Variants in PDE4A observed in about 807,000 individuals in gnomAD.
The protein encoded by PDE4A is phosphodiesterase 4A.
In PDE4A, 21 loss-of-function variants were observed where a neutral mutation model predicts 73.9. That is an observed-to-expected ratio of 0.28 (90% CI 0.20 to 0.41). The LOEUF (loss-of-function observed/expected upper bound fraction) is 0.41, where lower values mean the gene tolerates loss of function less well. Among genes scored for constraint, PDE4A ranks in the 10% least tolerant of loss-of-function variants. The pLI is 1.00. For synonymous variants in PDE4A, 463 were observed against 505.4 expected (o/e 0.92, Z 1.13); for missense variants, 958 against 1,211.4 (o/e 0.79, Z 3.10).
chr19:10,449,535 T>C (rs1239103669), intron 4 of PDE4A, among the ~76,000 whole-genome samples: 1 of 151,970 alleles, frequency 6.6e-6, no homozygotes, highest in African/African-American at 2.4e-5. Context: ...AATTTTTGTA[T>C]TTTTAGTAGA....
intron 14 of PDE4A, among the ~76,000 whole-genome samples, chr19:10,465,613 A>C (rs1306912901): frequency 6.6e-6 from 1 of 150,986 alleles, no homozygotes; most frequent in African/African-American, 2.4e-5. Flanking sequence ...CCCATGGAAA[A>C]CTAATTTTAT....
At position 10,458,699 on chromosome 19, in the gene PDE4A, A is replaced by G. The variant is rs1325947100; in HGVS notation, c.1101+597A>G. Among the ~76,000 whole-genome samples, 1 of 148,256 alleles carries G rather than the reference A, an allele frequency of 6.7e-6. No individual in the cohort carries two copies. ...AGTAGTGTGATCTCGGCTCAAGGCA[A>G]CCTCCACCTCCTGGGTTCAAGCAAT... On this transcript the variant is annotated intron_variant, in intron 8 of 14. Coordinates refer to ENST00000380702, the MANE Select transcript of PDE4A (RefSeq NM_001111307.2). This position sits in a 1 kb window ranked among gnomAD's most constrained non-coding sequence, Gnocchi z 4.6.
At chr19:10,443,086 G>C (rs1214809324) in intron 1 of PDE4A, among the ~76,000 whole-genome samples, 3 of 151,996 alleles carry the variant, frequency 2.0e-5, no homozygotes, top group Non-Finnish European at 4.4e-5. Flanking sequence ...GGCTTAGGTG[G>C]GGGGATCGCT....
chr19:10,417,102 TGAG>T (rs1324329437), upstream of PDE4A: 12 of 1,459,958 alleles, frequency 8.2e-6, no homozygotes, highest in Non-Finnish European at 9.0e-6. Context: ...CTCCAAGCTG[TGAG>T]GAGTTTGGTC....
In PDE4A at chr19:10,459,435, C is replaced by A. The variant is rs201749649; in HGVS notation, c.1137C>A (p.Ile379=). 5.0e-6 allele frequency: 8 copies of A among 1,614,134 alleles called. No individual in the cohort carries two copies. Among genetic ancestry groups the A allele is most frequent in the South Asian group, 1.1e-5 (1 of 91,094 alleles). ...LENLNKWGLN[I]FCVSDYAGGR... ...ACCTGAACAAGTGGGGCCTGAACAT[C>A]TTTTGCGTGTCGGATTACGCTGGAG... Residue 379 remains isoleucine (I), a synonymous_variant, in exon 9 of 15, where the codon ATC becomes ATA. Transcript: ENST00000380702.
intron 1 of PDE4A, among the ~76,000 whole-genome samples, chr19:10,441,870 A>G (rs2042943820): frequency 6.6e-6 from 1 of 150,760 alleles, no homozygotes; most frequent in African/African-American, 2.4e-5. Context: ...TTGAATTTTT[A>G]GTAGAGACGG....
In PDE4A at chr19:10,444,522, G is replaced by A. The variant is rs1019541093; in HGVS notation, c.321-1696G>A. Among the ~76,000 whole-genome samples the A allele has an allele frequency of 3.3e-5, 5 of 151,948 alleles. No individual in the cohort carries two copies. The South Asian group carries it at 8.3e-4, about 25-fold the overall frequency. ...TCAAAAAAAAAAAAAAAGTATTATG[G>A]TTGAAATTTTAGCTGGGTTGGTCAG... On this transcript the variant is annotated intron_variant, in intron 1 of 14. Transcript: ENST00000380702.
intron 13 of PDE4A, chr19:10,463,589 G>T (rs996330989): frequency 8.1e-5 from 33 of 406,260 alleles, no homozygotes; most frequent in Non-Finnish European, 1.1e-4. Flanking sequence ...TTTTAGTAGA[G>T]ACAGGGTTTC....
At chr19:10,464,078 A>T (rs1000328663) in intron 14 of PDE4A, 103 bp downstream of exon 14, 14 of 1,430,240 alleles carry the variant, frequency 9.8e-6, no homozygotes, top group African/African-American at 1.4e-5. Context: ...CCTTTCCACA[A>T]TGCCAAGTTG....
At chr19:10,417,010 G>T (rs544335942), upstream of PDE4A, 53 of 1,536,496 alleles carry the variant, frequency 3.4e-5, no homozygotes, top group African/African-American at 6.4e-4. Flanking sequence ...GAGGGGCTTG[G>T]GCTAGGGGCG....
upstream of PDE4A, chr19:10,417,940 G>A: frequency 6.8e-7 from 1 of 1,466,724 alleles, no homozygotes; most frequent in South Asian, 1.3e-5. Context: ...CCAGCCACCA[G>A]CCCTTCCCGA....
At position 10,468,678 on chromosome 19, in the gene PDE4A, G is replaced by GC. The variant is rs1187609260; in HGVS notation, c.*1063dup. 2.7e-5 allele frequency: 4 copies of GC among 150,734 alleles called. No homozygotes were observed. Among genetic ancestry groups the GC allele is most frequent in the East Asian group, 1.9e-4 (1 of 5,170 alleles). The allele number at this position is 150,734 out of a possible 1,614,324, so 9.3% of individuals were successfully genotyped here. A position where few individuals can be genotyped will look rare whatever the true frequency, so the allele number is the denominator to read the frequency against. On this transcript the variant is annotated 3_prime_UTR_variant, in exon 15 of 15. Transcript: ENST00000380702. ...CCCCACCTTCCACACTCTGATCACAGCCCCCCTACCTTTTGCCCTAGGAGG... is the reference window on the plus strand; with the variant it reads ...CCCCACCTTCCACACTCTGATCACAGCCCCCCCTACCTTTTGCCCTAGGAGG...
chr19:10,439,030 T>A (rs1004828544), intron 1 of PDE4A, among the ~76,000 whole-genome samples: 2 of 152,222 alleles, frequency 1.3e-5, no homozygotes, highest in African/African-American at 4.8e-5. Flanking sequence ...CTTCTACCTT[T>A]TGGCCATCGT....
At chr19:10,455,446 A>T (rs2043155245) in intron 7 of PDE4A, among the ~76,000 whole-genome samples, 1 of 149,206 alleles carries the variant, frequency 6.7e-6, no homozygotes, top group South Asian at 2.1e-4. Context: ...CCTAGGCAAC[A>T]AGAGTGAAAC....
At position 10,451,266 on chromosome 19, in the gene PDE4A, C is replaced by CA. The variant is rs562715131; in HGVS notation, c.783+327dup. Among the ~76,000 whole-genome samples, 216 of 150,708 alleles carry CA rather than the reference C, an allele frequency of 1.4e-3. 1 individual carries two copies. Among genetic ancestry groups the CA allele is most frequent in the Non-Finnish European group, 2.4e-3 (164 of 67,608 alleles). On this transcript the variant is annotated intron_variant, in intron 6 of 14. Transcript: ENST00000380702. ...TATGGGGTCAGTCCCTGGGTGGGGCCAACCCCTGGGCGGCAGCTTCAAGGC... is the reference window on the plus strand; with the variant it reads ...TATGGGGTCAGTCCCTGGGTGGGGCCAAACCCCTGGGCGGCAGCTTCAAGGC...
chr19:10,454,116 G>A (rs1266546509), intron 6 of PDE4A, among the ~76,000 whole-genome samples: 1 of 152,130 alleles, frequency 6.6e-6, no homozygotes. Flanking sequence ...GCCCGGTTTT[G>A]GGTATACTCT....
At chr19:10,431,044 G>T (rs1242056904) in intron 1 of PDE4A, 2 of 1,576,144 alleles carry the variant, frequency 1.3e-6, no homozygotes, top group South Asian at 1.1e-5. Flanking sequence ...CGGCTTCTCC[G>T]CAGCTGCCAG....
In PDE4A at chr19:10,465,683, C is replaced by CTTTTTTTTTTTTTTTTTT. The variant is rs749126870; in HGVS notation, c.1927-1187_1927-1170dup. Reference sequence around the variant, plus strand: ...TCATAGCAATAGTTTGTGGCTTTAGCTTTTTTTTTTTTTTTTTTTTTTTTT... The same window carrying CTTTTTTTTTTTTTTTTTT: ...TCATAGCAATAGTTTGTGGCTTTAGCTTTTTTTTTTTTTTTTTTTTTTTTTTTTTTTTTTTTTTTTTTT... On this transcript the variant is annotated intron_variant, in intron 14 of 14. Transcript: ENST00000380702. Among the ~76,000 whole-genome samples, 11 of 48,380 alleles carry CTTTTTTTTTTTTTTTTTT rather than the reference C, an allele frequency of 2.3e-4. 3 individuals are homozygous for CTTTTTTTTTTTTTTTTTT. The highest frequency in any genetic ancestry group is 1.1e-3 in the Admixed American group (3 of 2,830). The allele number at this position is 48,380 out of a possible 152,430, so 31.7% of individuals were successfully genotyped here.
At chr19:10,418,898 G>C (rs955888895), upstream of PDE4A, 6 of 960,588 alleles carry the variant, frequency 6.2e-6, no homozygotes, top group Non-Finnish European at 7.4e-6. Context: ...AGTGTGTAAT[G>C]GGGGGGGTGT....
Sources: gnomAD v4.1 joint callset for allele counts (sites outside exome capture counted in the v4.1 genomes callset) on GRCh38, gnomAD v4.1.1 for gene constraint, Gnocchi (gnomAD v3.1) non-coding constraint, MANE v1.5 for transcripts, NCBI Gene and HGNC (gene_info 2026-07-23, HGNC 2026-07-21) for gene names.